Variants in SCAI observed in about 807,000 individuals in gnomAD.
SCAI encodes protein SCAI.
A neutral mutation model predicts 92.2 loss-of-function variants in SCAI; 24 were observed. The observed-to-expected ratio is 0.26, with a 90% CI of 0.19 to 0.37. The LOEUF is 0.37. Ranked by LOEUF, SCAI falls within the 10% of genes least tolerant of loss-of-function variation. The pLI is 1.00. For missense variants in SCAI, 450 were observed against 736.2 expected (o/e 0.61, Z 4.50); for synonymous variants, 261 against 258.6 (o/e 1.01, Z -0.09).
At position 125,003,455 on chromosome 9, in the gene SCAI, A is replaced by G. The variant is rs769335670; in HGVS notation, c.963+14T>C. 6 of 1,568,176 alleles carry G rather than the reference A, an allele frequency of 3.8e-6. No individual in the cohort carries two copies. Among genetic ancestry groups the G allele is most frequent in the Admixed American group, 3.3e-5 (2 of 59,878 alleles). On this transcript the variant is annotated intron_variant, in intron 10 of 17. Coordinates refer to ENST00000336505, the MANE Select transcript of SCAI (RefSeq NM_001144877.3). ...GAGGGTTACCAAACTTGCAAATGTAAAAGAGGAGATTACCTGCATTCCTGG... is the reference window on the plus strand; with the variant it reads ...GAGGGTTACCAAACTTGCAAATGTAGAAGAGGAGATTACCTGCATTCCTGG...
rs1486090389 is a variant in SCAI at position 124,947,341 on chromosome 9, C to T, written c.*5466G>A. On this transcript the variant is annotated 3_prime_UTR_variant, in exon 18 of 18. Transcript: ENST00000336505. ...TACTTAGGTTTTTCAGGTTATATCACTAATTTATCATCAGTTTAAATAAAA... is the reference window on the plus strand; with the variant it reads ...TACTTAGGTTTTTCAGGTTATATCATTAATTTATCATCAGTTTAAATAAAA... The T allele has an allele frequency of 6.6e-6, 1 of 152,132 alleles. No homozygotes were observed. Among genetic ancestry groups the T allele is most frequent in the Non-Finnish European group, 1.5e-5 (1 of 68,024 alleles). The allele number at this position is 152,132 out of a possible 1,614,324, so 9.4% of individuals were successfully genotyped here.
chr9:125,113,597 A>T (rs1834972286), intron 2 of SCAI, among the ~76,000 whole-genome samples: 1 of 151,778 alleles, frequency 6.6e-6, no homozygotes, highest in East Asian at 1.9e-4. Context: ...TGCATAAAAT[A>T]TATAATCATA....
chr9:125,014,725 T>G (rs1411348996), intron 9 of SCAI, among the ~76,000 whole-genome samples: 5 of 152,098 alleles, frequency 3.3e-5, no homozygotes, highest in Non-Finnish European at 7.4e-5. Flanking sequence ...CATCGCCAAG[T>G]CAATCCTAAG....
chr9:125,013,888 T>C (rs1456796746), intron 9 of SCAI, among the ~76,000 whole-genome samples: 1 of 152,156 alleles, frequency 6.6e-6, no homozygotes, highest in Non-Finnish European at 1.5e-5. Flanking sequence ...TGCAAATCAA[T>C]AAATGTAATC....
At chr9:125,131,958 T>C (rs1835410203) in intron 2 of SCAI, among the ~76,000 whole-genome samples, 2 of 152,196 alleles carry the variant, frequency 1.3e-5, no homozygotes, top group Admixed American at 1.3e-4. Flanking sequence ...AGAAATACCC[T>C]GCAGTGGACA....
intron 14 of SCAI, among the ~76,000 whole-genome samples, chr9:124,977,195 A>C (rs912734862): frequency 1.2e-4 from 19 of 152,182 alleles, no homozygotes; most frequent in African/African-American, 4.8e-5. Flanking sequence ...TTAGAGATAA[A>C]ACAATTCTAA....
intron 9 of SCAI, among the ~76,000 whole-genome samples, chr9:125,017,862 C>A (rs1281295480): frequency 6.6e-6 from 1 of 151,590 alleles, no homozygotes; most frequent in Non-Finnish European, 1.5e-5. Flanking sequence ...CAAAAATTAG[C>A]CGGGTGTGGT....
rs186174534 is a variant in SCAI at position 125,087,944 on chromosome 9, C to T, written c.99-31937G>A. Among the ~76,000 whole-genome samples the T allele has an allele frequency of 2.7e-3, 410 of 152,136 alleles. 5 individuals are homozygous for T. The South Asian group carries it at 0.03, about 11-fold the overall frequency. ...ATATCAAATTTATAGATATAATATA[C>T]GTAAAGTATATAACTGGCCATCAAT... is the stretch of plus-strand genomic sequence containing the variant. On this transcript the variant is annotated intron_variant, in intron 2 of 17. Coordinates refer to ENST00000336505, the MANE Select transcript of SCAI (RefSeq NM_001144877.3).
chr9:125,104,557 C>A (rs1162876654), intron 2 of SCAI, among the ~76,000 whole-genome samples: 1 of 147,660 alleles, frequency 6.8e-6, no homozygotes, highest in Non-Finnish European at 1.5e-5. Context: ...ACAAATATTG[C>A]ACAAATGATG....
At chr9:125,128,809 T>C (rs1166816789) in intron 2 of SCAI, among the ~76,000 whole-genome samples, 1 of 151,502 alleles carries the variant, frequency 6.6e-6, no homozygotes, top group Non-Finnish European at 1.5e-5. Flanking sequence ...ACGCCTGTAA[T>C]CCCAGCATTT....
chr9:125,021,196 C>T (rs1268292060), intron 6 of SCAI, among the ~76,000 whole-genome samples: 1 of 152,092 alleles, frequency 6.6e-6, no homozygotes, highest in African/African-American at 2.4e-5. Flanking sequence ...AAAAGGCTTC[C>T]TAAAGAAAGT....
chr9:125,099,616 A>G (rs182934667), intron 2 of SCAI, among the ~76,000 whole-genome samples: 12 of 152,294 alleles, frequency 7.9e-5, no homozygotes, highest in Admixed American at 7.8e-4. Flanking sequence ...TTTAAGCAAA[A>G]CATAAGAATT....
intron 17 of SCAI, among the ~76,000 whole-genome samples, chr9:124,963,607 G>A (rs1010434940): frequency 2.6e-5 from 4 of 151,366 alleles, no homozygotes; most frequent in East Asian, 2.0e-4. Flanking sequence ...AAAATTAGGC[G>A]GGCATGGTGG....
chr9:125,108,544 A>T (rs1447824154), intron 2 of SCAI, among the ~76,000 whole-genome samples: 1 of 143,924 alleles, frequency 6.9e-6, no homozygotes, highest in Non-Finnish European at 1.5e-5. Context: ...GGAGGTGAGG[A>T]GCGTCTCTGC....
At chr9:125,005,235 A>G (rs1832478814) in intron 9 of SCAI, among the ~76,000 whole-genome samples, 1 of 152,206 alleles carries the variant, frequency 6.6e-6, no homozygotes, top group African/African-American at 2.4e-5. Flanking sequence ...TTTAAAGAAC[A>G]TGTTTCTATC....
chr9:125,141,899 C>T (rs1835674636), intron 2 of SCAI, among the ~76,000 whole-genome samples: 1 of 152,154 alleles, frequency 6.6e-6, no homozygotes, highest in Non-Finnish European at 1.5e-5. Context: ...GTACACAGTA[C>T]TTGGCACATA....
chr9:125,080,638 T>C (rs1369229174), intron 2 of SCAI, among the ~76,000 whole-genome samples: 3 of 152,238 alleles, frequency 2.0e-5, no homozygotes, highest in South Asian at 4.1e-4. Context: ...AGCTTTGGGA[T>C]TTCTTCAACT....
intron 17 of SCAI, 176 bp downstream of exon 17, chr9:124,971,194 A>T (rs1831651365): frequency 9.6e-6 from 4 of 415,332 alleles, no homozygotes; most frequent in Non-Finnish European, 1.3e-5. Context: ...TTACGTATTC[A>T]AATGTATTTT....
chr9:125,010,427 T>G (rs1024565351), intron 9 of SCAI, among the ~76,000 whole-genome samples: 11 of 152,172 alleles, frequency 7.2e-5, no homozygotes, highest in Admixed American at 2.0e-4. Flanking sequence ...TCTCGCTGAT[T>G]GCTAGCACAG....
Sources: allele counts gnomAD v4.1 joint callset (sites outside exome capture counted in the v4.1 genomes callset), GRCh38; gene constraint gnomAD v4.1.1; transcripts MANE v1.5; gene names NCBI Gene and HGNC (gene_info 2026-07-23, HGNC 2026-07-21).